SLC25A21: variants seen among roughly 807,000 people sequenced by gnomAD.
The protein encoded by SLC25A21 is solute carrier family 25 member 21.
Under a neutral mutation model 43.8 loss-of-function variants are expected in SLC25A21, and 47 were observed. The ratio of observed to expected loss-of-function variants is 1.07; its 90% CI spans 0.85 to 1.37. The LOEUF (loss-of-function observed/expected upper bound fraction) is 1.37. SLC25A21 is among the 40% of genes most tolerant of loss of function. The pLI is 0.00. For missense variants in SLC25A21, 352 were observed against 350.2 expected, an observed-to-expected ratio of 1.00 and a Z score of -0.04; for synonymous variants, 131 against 121.3, an observed-to-expected ratio of 1.08 and a Z score of -0.52.
At chr14:37,076,970 G>A (rs1038274490) in intron 1 of SLC25A21, among the ~76,000 whole-genome samples, 3 of 152,090 alleles carry the variant, frequency 2.0e-5, no homozygotes, top group Admixed American at 6.5e-5. Context: ...TAAAATTAAC[G>A]TAAAGTATGT....
In SLC25A21 at chr14:36,764,194, G is replaced by GAAAGAAAGAAAGAAAGAAAGAA. The variant is rs1185480005; in HGVS notation, c.204-29622_204-29621insTTCTTTCTTTCTTTCTTTCTTT. On this transcript the variant is annotated intron_variant, in intron 3 of 9. Coordinates refer to ENST00000331299, the MANE Select transcript of SLC25A21 (RefSeq NM_030631.4). ...AAAGAAAGAAAGAAAGAAAGAAAGA[G>GAAAGAAAGAAAGAAAGAAAGAA]AAAGAAAGAAACTGTTAGCTTCCCA... is the stretch of plus-strand genomic sequence containing the variant. 4.4e-3 allele frequency among the ~76,000 whole-genome samples: 403 copies of GAAAGAAAGAAAGAAAGAAAGAA among 92,176 alleles called. 12 individuals carry two copies. Among genetic ancestry groups the GAAAGAAAGAAAGAAAGAAAGAA allele is most frequent in the East Asian group, 0.011 (41 of 3,858 alleles). 60.5% of individuals were successfully genotyped at this position (92,176 alleles called of 152,430 possible).
intron 3 of SLC25A21, among the ~76,000 whole-genome samples, chr14:36,743,097 A>G (rs1216913255): frequency 6.6e-6 from 1 of 152,196 alleles, no homozygotes; most frequent in African/African-American, 2.4e-5. Flanking sequence ...AGAGTGCTCA[A>G]TGCACTAAAC....
At chr14:36,979,622 C>T (rs1157817538) in intron 1 of SLC25A21, among the ~76,000 whole-genome samples, 1 of 152,144 alleles carries the variant, frequency 6.6e-6, no homozygotes, top group Non-Finnish European at 1.5e-5. Flanking sequence ...TCTCAAAGTG[C>T]AGGTATTACA....
chr14:37,138,319 G>C (rs1963517200), intron 1 of SLC25A21, among the ~76,000 whole-genome samples: 1 of 152,142 alleles, frequency 6.6e-6, no homozygotes, highest in East Asian at 1.9e-4. Flanking sequence ...ATATACTTTG[G>C]CATTTAAGGG....
In SLC25A21 at chr14:36,679,607, T is replaced by C. The variant is rs1882105273; in HGVS notation, c.*1051A>G. The C allele has an allele frequency of 1.0e-6, 1 of 985,314 alleles. No homozygotes were observed. The highest frequency in any genetic ancestry group is 1.7e-5 in the African/African-American group (1 of 57,244). 61.0% of individuals were successfully genotyped at this position (985,314 alleles called of 1,614,324 possible). On this transcript the variant is annotated 3_prime_UTR_variant, in exon 10 of 10. Coordinates refer to ENST00000331299, the MANE Select transcript of SLC25A21 (RefSeq NM_030631.4). ...TCCTTAGAAATGCTAAGTGTATTTCTTTTTCAGAACATTTCCCCTTCATCA... is the reference window on the plus strand; with the variant it reads ...TCCTTAGAAATGCTAAGTGTATTTCCTTTTCAGAACATTTCCCCTTCATCA...
At chr14:37,096,363 C>G (rs1962694373) in intron 1 of SLC25A21, among the ~76,000 whole-genome samples, 1 of 152,000 alleles carries the variant, frequency 6.6e-6, no homozygotes, top group African/African-American at 2.4e-5. Context: ...GTTGAATCTG[C>G]TTCGTATTCT....
chr14:36,949,266 T>C (rs1892747377), intron 1 of SLC25A21, among the ~76,000 whole-genome samples: 2 of 152,228 alleles, frequency 1.3e-5, no homozygotes, highest in East Asian at 1.9e-4. Flanking sequence ...TCTTGACTTA[T>C]AGTCATCTAT....
chr14:36,885,811 G>T (rs1890896560), intron 1 of SLC25A21, among the ~76,000 whole-genome samples: 1 of 152,118 alleles, frequency 6.6e-6, no homozygotes, highest in African/African-American at 2.4e-5. Context: ...GGAGCATTCA[G>T]GATTCCCTGA....
intron 2 of SLC25A21, among the ~76,000 whole-genome samples, chr14:36,829,187 C>T (rs936144999): frequency 1.4e-4 from 21 of 152,080 alleles, no homozygotes; most frequent in African/African-American, 4.3e-4. Context: ...TGTGAGCCAC[C>T]GCACCTGGTC....
chr14:36,986,643 G>A (rs1594738924), intron 1 of SLC25A21, among the ~76,000 whole-genome samples: 1 of 152,232 alleles, frequency 6.6e-6, no homozygotes, highest in East Asian at 1.9e-4. Context: ...GTTACAGCAA[G>A]CCTTAGTGGA....
At chr14:37,149,339 T>A (rs1294501875) in intron 1 of SLC25A21, among the ~76,000 whole-genome samples, 1 of 152,150 alleles carries the variant, frequency 6.6e-6, no homozygotes, top group African/African-American at 2.4e-5. Context: ...CTAATGAAAC[T>A]ATATTGCTCT....
At chr14:36,704,427 G>C (rs1883410275) in intron 7 of SLC25A21, among the ~76,000 whole-genome samples, 1 of 152,172 alleles carries the variant, frequency 6.6e-6, no homozygotes, top group African/African-American at 2.4e-5. Flanking sequence ...GGGACGGTGA[G>C]GTGGGTGGAT....
chr14:37,120,866 T>C (rs567569016), intron 1 of SLC25A21, among the ~76,000 whole-genome samples: 4 of 152,212 alleles, frequency 2.6e-5, no homozygotes, highest in East Asian at 3.9e-4. Context: ...AGAGAGAGAA[T>C]GTCCTAATTG....
intron 1 of SLC25A21, among the ~76,000 whole-genome samples, chr14:36,939,332 T>G (rs1056543711): frequency 6.6e-6 from 1 of 152,074 alleles, no homozygotes; most frequent in African/African-American, 2.4e-5. Flanking sequence ...AAATACGAAT[T>G]CTCTATCATG....
intron 3 of SLC25A21, among the ~76,000 whole-genome samples, chr14:36,806,141 G>T: frequency 7.0e-6 from 1 of 142,216 alleles, no homozygotes; most frequent in Non-Finnish European, 1.5e-5. Context: ...CCGGGGTGGG[G>T]GTGGGGGTGG....
At chr14:36,950,420 G>T (rs772775575) in intron 1 of SLC25A21, among the ~76,000 whole-genome samples, 2 of 152,052 alleles carry the variant, frequency 1.3e-5, no homozygotes, top group African/African-American at 2.4e-5. Flanking sequence ...AAGAAATACC[G>T]AAGATATATT....
chr14:36,730,973 G>A (rs76830797), intron 4 of SLC25A21, among the ~76,000 whole-genome samples: 1 of 80,104 alleles, frequency 1.2e-5, no homozygotes, highest in Non-Finnish European at 2.9e-5. Flanking sequence ...ATAATCTTAG[G>A]TTTTTTTTTT....
In SLC25A21 at chr14:36,716,343, G is replaced by T. The variant is rs1884133593; in HGVS notation, c.439-4861C>A. Among the ~76,000 whole-genome samples the T allele has an allele frequency of 2.0e-5, 3 of 152,022 alleles. No individual in the cohort carries two copies. The South Asian group carries it at 6.2e-4, about 32-fold the overall frequency. On this transcript the variant is annotated intron_variant, in intron 6 of 9. Coordinates refer to ENST00000331299, the MANE Select transcript of SLC25A21 (RefSeq NM_030631.4). ...CTAGAGATCTAATGTCCAACATGAG[G>T]ACTAGAGTTAATAAAATTGTGTTGT...
chr14:36,758,710 G>A (rs1258908101), intron 3 of SLC25A21, among the ~76,000 whole-genome samples: 2 of 152,020 alleles, frequency 1.3e-5, no homozygotes, highest in Non-Finnish European at 2.9e-5. Context: ...GTTGAGAAGA[G>A]AAATGATCTT....
Sources: gnomAD v4.1 joint callset for allele counts (sites outside exome capture counted in the v4.1 genomes callset) on GRCh38, gnomAD v4.1.1 for gene constraint, MANE v1.5 for transcripts, NCBI Gene and HGNC (gene_info 2026-07-23, HGNC 2026-07-21) for gene names.